Variants in NCKAP5 observed in about 807,000 individuals in gnomAD.
The protein encoded by NCKAP5 is nck-associated protein 5.
In NCKAP5, 92 loss-of-function variants were observed where a neutral mutation model predicts 167.0. The ratio of observed to expected loss-of-function variants is 0.55; its 90% CI spans 0.47 to 0.66. NCKAP5 has a LOEUF of 0.66. NCKAP5 is among the 30% of genes least tolerant of loss of function. The pLI is 0.00. For synonymous variants in NCKAP5, 891 were observed against 877.4 expected, an observed-to-expected ratio of 1.02 and a Z score of -0.27; for missense variants, 2,378 against 2,315.0, an observed-to-expected ratio of 1.03 and a Z score of -0.56.
the NCKAP5 span, among the ~76,000 whole-genome samples, chr2:133,580,839 T>C: frequency 6.6e-5 from 10 of 152,212 alleles, no homozygotes; most frequent in Non-Finnish European, 1.2e-4. Flanking sequence ...GATTATGTCT[T>C]ATGAATATAT....
intron 3 of NCKAP5, among the ~76,000 whole-genome samples, chr2:133,336,379 T>G (rs1683207359): frequency 6.6e-6 from 1 of 152,124 alleles, no homozygotes; most frequent in Non-Finnish European, 1.5e-5. Flanking sequence ...AAGGCCATGC[T>G]TTTCCTTTCC....
At chr2:133,489,076 G>A (rs1681203128) in intron 3 of NCKAP5, among the ~76,000 whole-genome samples, 1 of 152,164 alleles carries the variant, frequency 6.6e-6, no homozygotes, top group African/African-American at 2.4e-5. Context: ...GCCACAGAGG[G>A]AGACTCAATC....
At chr2:133,591,624 C>A in the NCKAP5 span, among the ~76,000 whole-genome samples, 1 of 152,066 alleles carries the variant, frequency 6.6e-6, no homozygotes, top group Non-Finnish European at 1.5e-5. Context: ...AGCGCTTGGG[C>A]GGCACAAAAC....
At chr2:132,991,980 GC>G (rs2077462577) in intron 7 of NCKAP5, among the ~76,000 whole-genome samples, 1 of 152,156 alleles carries the variant, frequency 6.6e-6, no homozygotes, top group Admixed American at 6.6e-5. Flanking sequence ...GGGACTTGGC[GC>G]CACCCAGCAT....
At chr2:132,819,093 T>TG (rs1686509320) in intron 11 of NCKAP5, among the ~76,000 whole-genome samples, 1 of 151,996 alleles carries the variant, frequency 6.6e-6, no homozygotes, top group Non-Finnish European at 1.5e-5. Context: ...TTCCTTGATC[T>TG]GAAAAAAAAA....
At chr2:132,840,292 T>C (rs200295682) in intron 11 of NCKAP5, among the ~76,000 whole-genome samples, 5 of 147,488 alleles carry the variant, frequency 3.4e-5, no homozygotes, top group African/African-American at 1.3e-4. Flanking sequence ...TTTTTTTTTT[T>C]TGAGATAGAG....
chr2:133,243,036 C>G (rs1469760355), intron 4 of NCKAP5, among the ~76,000 whole-genome samples: 1 of 152,042 alleles, frequency 6.6e-6, no homozygotes, highest in Admixed American at 6.6e-5. Context: ...TTTGACTAAC[C>G]ATATTATGCT....
At chr2:133,656,274 A>AAC in the NCKAP5 span, among the ~76,000 whole-genome samples, 16 of 113,984 alleles carry the variant, frequency 1.4e-4, no homozygotes, top group African/African-American at 5.4e-4. Flanking sequence ...CAAACAAACA[A>AAC]AAAAAAAAAA....
At chr2:133,642,891 G>C in the NCKAP5 span, among the ~76,000 whole-genome samples, 6 of 152,206 alleles carry the variant, frequency 3.9e-5, no homozygotes, top group Admixed American at 2.6e-4. Context: ...TTATGGCTAG[G>C]CATGCATTTC....
intron 4 of NCKAP5, among the ~76,000 whole-genome samples, chr2:133,299,787 T>C (rs988396340): frequency 4.6e-5 from 7 of 152,132 alleles, no homozygotes; most frequent in African/African-American, 1.4e-4. Context: ...AGGGGCTTAC[T>C]GAGGGTGGGT....
At chr2:132,921,573 T>C (rs1366187965) in intron 8 of NCKAP5, among the ~76,000 whole-genome samples, 1 of 152,178 alleles carries the variant, frequency 6.6e-6, no homozygotes, top group African/African-American at 2.4e-5. Flanking sequence ...ACAGGAGGGA[T>C]ATCTAACCTA....
chr2:133,459,145 A>C (rs1381671491), intron 3 of NCKAP5, among the ~76,000 whole-genome samples: 1 of 152,180 alleles, frequency 6.6e-6, no homozygotes, highest in African/African-American at 2.4e-5. Context: ...AGCATTTGGC[A>C]TCTGGCTAAG....
intron 17 of NCKAP5, among the ~76,000 whole-genome samples, chr2:132,730,402 A>G (rs1690880631): frequency 6.6e-6 from 1 of 152,192 alleles, no homozygotes; most frequent in Non-Finnish European, 1.5e-5. Context: ...GGCTGAGGCA[A>G]GAGACTCAGC....
At chr2:133,264,055 A>T (rs1001668830) in intron 4 of NCKAP5, among the ~76,000 whole-genome samples, 7 of 152,164 alleles carry the variant, frequency 4.6e-5, no homozygotes, top group Admixed American at 3.9e-4. Flanking sequence ...GAAAGCCTCC[A>T]CCTCCAGCAG....
intron 6 of NCKAP5, among the ~76,000 whole-genome samples, chr2:133,106,588 A>G (rs2081711063): frequency 6.6e-6 from 1 of 152,196 alleles, no homozygotes; most frequent in African/African-American, 2.4e-5. Context: ...AAACATGTGA[A>G]GAGTGATATT....
At chr2:133,217,597 T>C (rs1022159385) in intron 4 of NCKAP5, among the ~76,000 whole-genome samples, 5 of 152,078 alleles carry the variant, frequency 3.3e-5, no homozygotes, top group African/African-American at 1.2e-4. Flanking sequence ...TTTTTGCAGG[T>C]GGTCAGTTGT....
At chr2:132,765,038 G>A (rs189657768) in intron 16 of NCKAP5, among the ~76,000 whole-genome samples, 1 of 152,252 alleles carries the variant, frequency 6.6e-6, no homozygotes, top group Non-Finnish European at 1.5e-5. Context: ...TTAGGGAAAA[G>A]ATAATTCTAG....
the NCKAP5 span, among the ~76,000 whole-genome samples, chr2:133,610,267 C>T: frequency 1.3e-5 from 2 of 152,108 alleles, no homozygotes; most frequent in African/African-American, 4.8e-5. Flanking sequence ...TCTGCAAGTA[C>T]CCCATAGACC....
intron 19 of NCKAP5, among the ~76,000 whole-genome samples, chr2:132,718,358 AC>A (rs1391519563): frequency 6.6e-6 from 1 of 152,166 alleles, no homozygotes; most frequent in Non-Finnish European, 1.5e-5. Flanking sequence ...AAAGTTTTCA[AC>A]CTTTACTTCT....
Sources: allele counts gnomAD v4.1 joint callset (sites outside exome capture counted in the v4.1 genomes callset), GRCh38; gene constraint gnomAD v4.1.1; transcripts MANE v1.5; gene names NCBI Gene and HGNC (gene_info 2026-07-23, HGNC 2026-07-21).